IL1RAP: variants seen among roughly 807,000 people sequenced by gnomAD.
The protein encoded by IL1RAP is interleukin 1 receptor accessory protein.
A neutral mutation model predicts 60.7 loss-of-function variants in IL1RAP; 35 were observed. The ratio of observed to expected loss-of-function variants is 0.58; its 90% CI spans 0.44 to 0.76. The LOEUF (loss-of-function observed/expected upper bound fraction) is 0.76, where lower values mean the gene tolerates loss of function less well. IL1RAP is among the 30% of genes least tolerant of loss of function. The pLI is 0.00. For missense variants in IL1RAP, 572 were observed against 693.9 expected (o/e 0.82, Z 1.97); for synonymous variants, 268 against 250.9 (o/e 1.07, Z -0.64).
At chr3:190,562,314 A>C (rs1323209012) in intron 2 of IL1RAP, among the ~76,000 whole-genome samples, 1 of 151,618 alleles carries the variant, frequency 6.6e-6, no homozygotes, top group Non-Finnish European at 1.5e-5. Context: ...GCTAATCTTC[A>C]ATAACACTTA....
intron 10 of IL1RAP, 56 bp downstream of exon 10, chr3:190,644,453 T>C: frequency 7.4e-7 from 1 of 1,343,052 alleles, no homozygotes; most frequent in Non-Finnish European, 1.0e-6. Context: ...AGAACATATG[T>C]TGTAAAAAAA....
intron 3 of IL1RAP, among the ~76,000 whole-genome samples, chr3:190,593,367 TAGTC>T (rs1314213264): frequency 1.3e-5 from 2 of 152,354 alleles, no homozygotes; most frequent in African/African-American, 4.8e-5. Flanking sequence ...CTTGATGACT[TAGTC>T]AGTGAATGTG....
intron 6 of IL1RAP, among the ~76,000 whole-genome samples, chr3:190,621,549 A>G (rs545276835): frequency 7.9e-5 from 12 of 152,336 alleles, no homozygotes; most frequent in African/African-American, 2.4e-4. Flanking sequence ...GAATAAGCAT[A>G]CTTTGTCACT....
At chr3:190,532,407 T>C (rs1010858321) in intron 1 of IL1RAP, among the ~76,000 whole-genome samples, 3 of 151,748 alleles carry the variant, frequency 2.0e-5, no homozygotes, top group East Asian at 1.9e-4. Context: ...GGACTACAGG[T>C]GCCCGCCACC....
At position 190,649,200 on chromosome 3, in the gene IL1RAP, C is replaced by T; in HGVS notation, c.*495C>T. 1 of 986,750 alleles carries T rather than the reference C, an allele frequency of 1.0e-6. No homozygotes were observed. Among genetic ancestry groups the T allele is most frequent in the African/African-American group, 1.7e-5 (1 of 57,334 alleles). 61.1% of individuals were successfully genotyped at this position (986,750 alleles called of 1,614,324 possible). ...ATAATGAACTTTTTTCCTCATTCGG[C>T]TGTATAATACATAACCACAGCAAGA... is the stretch of plus-strand genomic sequence containing the variant. On this transcript the variant is annotated 3_prime_UTR_variant, in exon 12 of 12. Transcript: ENST00000447382.
In IL1RAP at chr3:190,599,815, T is replaced by C. The variant is rs1448173613; in HGVS notation, c.65-4313T>C. On this transcript the variant is annotated intron_variant, in intron 3 of 11. Coordinates refer to ENST00000447382, the MANE Select transcript of IL1RAP (RefSeq NM_002182.4). ...ATTTTCTATTTCTTTTTCTTTCTAC[T>C]CTGCTTTTTAGGAAATCTTTAAATT... Among the ~76,000 whole-genome samples, 3 of 148,362 alleles carry C rather than the reference T, an allele frequency of 2.0e-5. 1 individual carries two copies. Among genetic ancestry groups the C allele is most frequent in the Non-Finnish European group, 4.5e-5 (3 of 67,116 alleles).
At chr3:190,557,787 A>G (rs1450857126) in intron 2 of IL1RAP, among the ~76,000 whole-genome samples, 2 of 152,320 alleles carry the variant, frequency 1.3e-5, no homozygotes, top group East Asian at 1.9e-4. Context: ...CACTTAAAAT[A>G]TATTTCTAAT....
chr3:190,515,728 T>C (rs1236255425), intron 1 of IL1RAP, among the ~76,000 whole-genome samples: 5 of 151,998 alleles, frequency 3.3e-5, no homozygotes, highest in African/African-American at 1.2e-4. Context: ...GAAGACAAAG[T>C]TGGAAGTTGC....
intron 1 of IL1RAP, among the ~76,000 whole-genome samples, chr3:190,542,481 G>A (rs1369240759): frequency 3.3e-5 from 5 of 152,158 alleles, no homozygotes; most frequent in Non-Finnish European, 2.9e-5. Context: ...TGTGTATAGT[G>A]TCAAAGCATG....
At position 190,648,445 on chromosome 3, in the gene IL1RAP, G is replaced by C; in HGVS notation, c.1453G>C (p.Ala485Pro). Reference sequence around the variant, plus strand: ...AACCCAAGCCCTCCTGGAGCTCAAGGCTGGCCTAGAAAATATGGCCTCTCG... The same window carrying C: ...AACCCAAGCCCTCCTGGAGCTCAAGCCTGGCCTAGAAAATATGGCCTCTCG... ...QGTQALLELK[A>P]GLENMASRGN... The change falls in exon 12 of 12, where the codon GCT (alanine) becomes CCT (proline). Residue 485 changes from alanine (A) to proline (P), a missense_variant. Ala to Pro is a conservative substitution (Grantham distance 27, BLOSUM62 -1). Coordinates refer to ENST00000447382, the MANE Select transcript of IL1RAP (RefSeq NM_002182.4). 1.2e-6 allele frequency: 2 copies of C among 1,614,120 alleles called. No individual in the cohort carries two copies. Among genetic ancestry groups the C allele is most frequent in the South Asian group, 1.1e-5 (1 of 91,078 alleles).
chr3:190,606,455 C>G (rs922666877), intron 4 of IL1RAP, among the ~76,000 whole-genome samples: 1 of 152,176 alleles, frequency 6.6e-6, no homozygotes, highest in Non-Finnish European at 1.5e-5. Flanking sequence ...TTAACATTTC[C>G]CAACGGGAAG....
rs115673162 is a variant in IL1RAP, at chr3:190,617,326, C to A, written c.538-2949C>A. ...AACACTTGTTCTTACTTCATCATGA[C>A]ATTCCTCCACTGCACCCTTCCCCTC... On this transcript the variant is annotated intron_variant, in intron 5 of 11. Transcript: ENST00000447382. Among the ~76,000 whole-genome samples the A allele has an allele frequency of 8.6e-3, 1,307 of 152,294 alleles. 15 individuals are homozygous for A. The highest frequency in any genetic ancestry group is 0.028 in the African/African-American group (1,158 of 41,558).
At chr3:190,521,139 A>G (rs1184432485) in intron 1 of IL1RAP, among the ~76,000 whole-genome samples, 1 of 152,222 alleles carries the variant, frequency 6.6e-6, no homozygotes, top group East Asian at 1.9e-4. Flanking sequence ...CCTCTATTAC[A>G]ATTAACAACA....
chr3:190,601,955 A>G (rs1729898704), intron 3 of IL1RAP, among the ~76,000 whole-genome samples: 1 of 152,094 alleles, frequency 6.6e-6, no homozygotes, highest in African/African-American at 2.4e-5. Flanking sequence ...TTAGATCGTC[A>G]CACACCACAC....
At chr3:190,603,320 C>T (rs966038849) in intron 3 of IL1RAP, among the ~76,000 whole-genome samples, 1 of 152,122 alleles carries the variant, frequency 6.6e-6, no homozygotes, top group East Asian at 1.9e-4. Context: ...AATTGAGTGA[C>T]CTTGTAGAAC....
chr3:190,563,009 G>GT (rs2108624352), intron 2 of IL1RAP, among the ~76,000 whole-genome samples: 1 of 152,252 alleles, frequency 6.6e-6, no homozygotes, highest in East Asian at 1.9e-4. Context: ...TTTTGGAGAG[G>GT]TGTGGTCAAG....
rs770882561 is a variant in IL1RAP at position 190,648,550 on chromosome 3, G to A, written c.1558G>A (p.Val520Met). 2.6e-5 allele frequency: 42 copies of A among 1,614,012 alleles called. No individual in the cohort carries two copies. The highest frequency in any genetic ancestry group is 3.3e-5 in the Non-Finnish European group (39 of 1,180,040). The change falls in exon 12 of 12, where the codon GTG becomes ATG. Residue 520 changes from valine to methionine, a missense_variant. Physicochemically the swap from Val to Met is conservative, Grantham distance 21 (BLOSUM62 1). Transcript: ENST00000447382. The part of the protein sequence containing the change: ...KVKELKRAKT[V>M]LTVIKWKGEK... ...GAAAGAGCTGAAGAGGGCTAAGACGGTGCTCACGGTCATTAAATGGAAAGG... is the reference window on the plus strand; with the variant it reads ...GAAAGAGCTGAAGAGGGCTAAGACGATGCTCACGGTCATTAAATGGAAAGG...
intron 4 of IL1RAP, among the ~76,000 whole-genome samples, chr3:190,604,834 T>C (rs1730163601): frequency 2.0e-5 from 3 of 152,192 alleles, no homozygotes; most frequent in Admixed American, 1.3e-4. Flanking sequence ...CTCAGGTGCA[T>C]TGTGTGATGC....
At chr3:190,527,761 C>T (rs1202544041) in intron 1 of IL1RAP, among the ~76,000 whole-genome samples, 4 of 120,834 alleles carry the variant, frequency 3.3e-5, no homozygotes, top group African/African-American at 1.3e-4. Context: ...TCTACATTTT[C>T]CAAGTAAAGT....
Sources: allele counts gnomAD v4.1 joint callset (sites outside exome capture counted in the v4.1 genomes callset), GRCh38; gene constraint gnomAD v4.1.1; transcripts MANE v1.5; gene names NCBI Gene and HGNC (gene_info 2026-07-23, HGNC 2026-07-21).